SEMA4D: variants seen among roughly 807,000 people sequenced by gnomAD.
SEMA4D encodes semaphorin-4D.
A neutral mutation model predicts 74.8 loss-of-function variants in SEMA4D; 22 were observed. The observed-to-expected ratio is 0.29, with a 90% CI of 0.21 to 0.42. The LOEUF (loss-of-function observed/expected upper bound fraction) is 0.42, where lower values mean the gene tolerates loss of function less well. SEMA4D is among the 10% of genes least tolerant of loss of function. The probability of loss-of-function intolerance (pLI) is 1.00; values close to 1 mark genes in which losing one functional copy is unlikely to be tolerated. For missense variants in SEMA4D, 937 were observed against 1,118.4 expected (o/e 0.84, Z 2.31); for synonymous variants, 445 against 463.7 (o/e 0.96, Z 0.52).
In SEMA4D at chr9:89,391,139, T is replaced by G; in HGVS notation, c.774+125A>C. ...AATAAGATCCATTGAGAGCTGCATC[T>G]GAGGCCCAAGGGAATAAAGTGCTAG... On this transcript the variant is annotated intron_variant, in intron 9 of 15. Transcript: ENST00000422704. The G allele has an allele frequency of 3.2e-6, 3 of 948,828 alleles. No homozygotes were observed. The South Asian group carries it at 4.7e-5, about 15-fold the overall frequency. The allele number at this position is 948,828 out of a possible 1,614,324, so 58.8% of individuals were successfully genotyped here.
At position 89,389,130 on chromosome 9, in the gene SEMA4D, T is replaced by C. The variant is rs572008078; in HGVS notation, c.775-83A>G. On this transcript the variant is annotated intron_variant, in intron 9 of 15. Coordinates refer to ENST00000422704, the MANE Select transcript of SEMA4D (RefSeq NM_001371194.2). ...CTAAGGTCAGAGGTGCACCCCTCCATGGCCCAGCACAGCGCGGCTGTGCCT... is the reference window on the plus strand; with the variant it reads ...CTAAGGTCAGAGGTGCACCCCTCCACGGCCCAGCACAGCGCGGCTGTGCCT... 4.1e-6 allele frequency: 6 copies of C among 1,455,558 alleles called. No individual in the cohort carries two copies. In the African/African-American group the frequency reaches 8.3e-5, roughly 20 times the overall value. 90.2% of individuals were successfully genotyped at this position (1,455,558 alleles called of 1,614,324 possible).
At chr9:89,407,789 C>A (rs1311728009) in intron 2 of SEMA4D, among the ~76,000 whole-genome samples, 1 of 152,228 alleles carries the variant, frequency 6.6e-6, no homozygotes, top group Non-Finnish European at 1.5e-5. Flanking sequence ...CAGGGCTCGG[C>A]CCCTCTGCAT....
intron 1 of SEMA4D, chr9:89,480,023 G>A (rs982664838): frequency 1.3e-5 from 2 of 152,212 alleles, no homozygotes; most frequent in Admixed American, 1.3e-4. Context: ...TAGATAGAAA[G>A]GTTCTCCACG....
At chr9:89,389,877 G>A (rs2133136766) in intron 9 of SEMA4D, among the ~76,000 whole-genome samples, 1 of 152,248 alleles carries the variant, frequency 6.6e-6, no homozygotes, top group Middle Eastern at 3.4e-3. Context: ...TTTCGTCAGG[G>A]GTCTCATGTG....
chr9:89,398,459 C>G (rs1475693024), intron 5 of SEMA4D, among the ~76,000 whole-genome samples: 2 of 152,192 alleles, frequency 1.3e-5, no homozygotes, highest in African/African-American at 2.4e-5. Flanking sequence ...TCTCTGACTC[C>G]ACCATCCTTT....
chr9:89,411,354 A>G (rs1844490662), intron 2 of SEMA4D, among the ~76,000 whole-genome samples: 1 of 152,156 alleles, frequency 6.6e-6, no homozygotes, highest in Admixed American at 6.5e-5. Flanking sequence ...AAAAATTACA[A>G]CTAACTCCAC....
At chr9:89,474,100 C>A (rs1403890911) in intron 1 of SEMA4D, among the ~76,000 whole-genome samples, 1 of 152,124 alleles carries the variant, frequency 6.6e-6, no homozygotes, top group Admixed American at 6.5e-5. Flanking sequence ...GGAGTTCCAG[C>A]CACTCTGCTG....
rs1840294038 is a variant in SEMA4D, at chr9:89,393,544, T to C, written c.508+18A>G. On this transcript the variant is annotated intron_variant, in intron 7 of 15. Coordinates refer to ENST00000422704, the MANE Select transcript of SEMA4D (RefSeq NM_001371194.2). ...ACTGTAATCTTCACGGTGAAGGAAC[T>C]GGAGGGGCAGGACTCACCAACCATG... 6.3e-7 allele frequency: 1 copy of C among 1,598,950 alleles called. No individual in the cohort carries two copies. The highest frequency in any genetic ancestry group is 1.3e-5 in the African/African-American group (1 of 74,750).
At position 89,379,071 on chromosome 9, in the gene SEMA4D, A is replaced by G; in HGVS notation, c.2222T>C (p.Leu741Pro). 6.2e-7 allele frequency: 1 copy of G among 1,613,754 alleles called. No homozygotes were observed. Residue 741 changes from leucine to proline, a missense_variant, in exon 16 of 16, where the codon CTC (leucine) becomes CCC (proline). Physicochemically the swap from Leu to Pro is moderately conservative, Grantham distance 98 (BLOSUM62 -3). Transcript: ENST00000422704. Reference protein sequence around the residue: ...SDNRLLMSLFLFFFVLFLCLF... With the variant: ...SDNRLLMSLFPFFFVLFLCLF... ...GCAGAGGAAGAGAACAAAGAAGAAG[A>G]GGAAGAGGGACATGAGGAGGCGGTT...
At chr9:89,476,403 T>C (rs562104060) in intron 1 of SEMA4D, among the ~76,000 whole-genome samples, 1 of 152,352 alleles carries the variant, frequency 6.6e-6, no homozygotes, top group South Asian at 2.1e-4. Context: ...TTATTCTTGA[T>C]ACTTCTGTGG....
chr9:89,419,651 G>A (rs1182096471), intron 2 of SEMA4D, among the ~76,000 whole-genome samples: 1 of 152,174 alleles, frequency 6.6e-6, no homozygotes, highest in Non-Finnish European at 1.5e-5. Context: ...TGTGGCTCAC[G>A]CCTGTAATCC....
chr9:89,370,921 TGGG>T lies in SEMA4D; in HGVS notation c.1882+5909_1882+5911del, dbSNP rs372752217. On this transcript the variant is annotated intron_variant, in intron 16 of 18. Transcript: ENST00000339861. ...GGCATGTGACTGGGATGGTGTGTGT[TGGG>T]GGGGTGTTGTGTGTCTGGGGTATGG... is the stretch of plus-strand genomic sequence containing the variant. Among the ~76,000 whole-genome samples the T allele has an allele frequency of 6.4e-3, 605 of 94,358 alleles. 10 individuals are homozygous for T. Among genetic ancestry groups the T allele is most frequent in the African/African-American group, 0.023 (547 of 23,624 alleles). The allele number at this position is 94,358 out of a possible 152,430, so 61.9% of individuals were successfully genotyped here.
intron 13 of SEMA4D, among the ~76,000 whole-genome samples, chr9:89,382,825 T>C (rs1206853617): frequency 6.6e-6 from 1 of 151,904 alleles, no homozygotes; most frequent in Non-Finnish European, 1.5e-5. Flanking sequence ...CAGGGTGCCC[T>C]GGGTGGCCAA....
intron 1 of SEMA4D, among the ~76,000 whole-genome samples, chr9:89,461,701 T>TCTCTCTC (rs374879306): frequency 9.6e-5 from 3 of 31,250 alleles, no homozygotes; most frequent in East Asian, 8.8e-4. Flanking sequence ...CTTTTTTCTC[T>TCTCTCTC]TTTTTTTTTT....
At chr9:89,367,632 CAG>C (rs1243626778) in intron 16 of SEMA4D, 1 of 152,252 alleles carries the variant, frequency 6.6e-6, no homozygotes, top group East Asian at 1.9e-4. Context: ...GTCCTGAGGA[CAG>C]ATATTTCCCC....
intron 2 of SEMA4D, among the ~76,000 whole-genome samples, chr9:89,409,984 G>A (rs1316989564): frequency 1.3e-5 from 2 of 151,952 alleles, no homozygotes; most frequent in East Asian, 3.9e-4. Context: ...AAATGGAGGA[G>A]GGAGGTGACT....
chr9:89,480,499 C>T (rs1443893572), intron 1 of SEMA4D, among the ~76,000 whole-genome samples: 1 of 152,228 alleles, frequency 6.6e-6, no homozygotes, highest in Non-Finnish European at 1.5e-5. Context: ...TCGGGCCGCA[C>T]AGGAGCCCAT....
rs115168651 is a variant in SEMA4D at position 89,399,724 on chromosome 9, G to A, written c.253-386C>T. ...TTCAAAGTGACTCTACAGGCCGGGC[G>A]CAGTGGCTCACACCTGTGATCCCAG... On this transcript the variant is annotated intron_variant, in intron 4 of 15. Coordinates refer to ENST00000422704, the MANE Select transcript of SEMA4D (RefSeq NM_001371194.2). 7.4e-3 allele frequency among the ~76,000 whole-genome samples: 1,124 copies of A among 152,150 alleles called. 14 individuals carry two copies. Among genetic ancestry groups the A allele is most frequent in the African/African-American group, 0.025 (1,025 of 41,484 alleles).
intron 2 of SEMA4D, among the ~76,000 whole-genome samples, chr9:89,445,524 T>C (rs7040550): frequency 0.96 from 146,499 of 152,302 alleles, 70,675 homozygotes; most frequent in Non-Finnish European, 1. Flanking sequence ...CCTCTTCCAG[T>C]TTCTGGTGGC....
Sources: allele counts gnomAD v4.1 joint callset (sites outside exome capture counted in the v4.1 genomes callset), GRCh38; gene constraint gnomAD v4.1.1; transcripts MANE v1.5; gene names NCBI Gene and HGNC (gene_info 2026-07-23, HGNC 2026-07-21).